Variants in SLC24A3 observed in about 807,000 individuals in gnomAD.
The protein encoded by SLC24A3 is sodium/potassium/calcium exchanger 3.
SLC24A3 carries 28 observed loss-of-function variants against 75.8 expected under a neutral mutation model. The ratio of observed to expected loss-of-function variants is 0.37; its 90% CI spans 0.27 to 0.51. The LOEUF (loss-of-function observed/expected upper bound fraction) is 0.51. Ranked by LOEUF, SLC24A3 falls within the 20% of genes least tolerant of loss-of-function variation. The pLI is 0.94. For synonymous variants in SLC24A3, 372 were observed against 334.1 expected (o/e 1.11, Z -1.24); for missense variants, 663 against 847.8 (o/e 0.78, Z 2.71).
chr20:19,370,339 G>GTA (rs1334423635), intron 2 of SLC24A3, among the ~76,000 whole-genome samples: 5 of 152,348 alleles, frequency 3.3e-5, no homozygotes, highest in Admixed American at 3.3e-4. Flanking sequence ...GTCATTGACT[G>GTA]TATAATACAT....
chr20:19,440,497 A>C (rs921012098), intron 2 of SLC24A3, among the ~76,000 whole-genome samples: 1 of 152,212 alleles, frequency 6.6e-6, no homozygotes, highest in Non-Finnish European at 1.5e-5. Flanking sequence ...CAAGGGACAA[A>C]CTACCTTTGA....
At chr20:19,298,191 G>T (rs1454749158) in intron 2 of SLC24A3, among the ~76,000 whole-genome samples, 1 of 152,216 alleles carries the variant, frequency 6.6e-6, no homozygotes, top group Non-Finnish European at 1.5e-5. Flanking sequence ...ATGGATGCCT[G>T]GAATAGATGT....
At chr20:19,404,101 C>T (rs1263056758) in intron 2 of SLC24A3, among the ~76,000 whole-genome samples, 1 of 152,190 alleles carries the variant, frequency 6.6e-6, no homozygotes, top group Non-Finnish European at 1.5e-5. Flanking sequence ...TTCTGCTTTA[C>T]TGCAAAGCAA....
intron 6 of SLC24A3, among the ~76,000 whole-genome samples, chr20:19,596,821 A>G (rs2031458281): frequency 6.6e-6 from 1 of 152,180 alleles, no homozygotes; most frequent in Non-Finnish European, 1.5e-5. Flanking sequence ...CATATGGTGG[A>G]GCAGGACGTG....
intron 2 of SLC24A3, among the ~76,000 whole-genome samples, chr20:19,464,405 G>GCACA (rs3058635): frequency 1.3e-5 from 2 of 151,894 alleles, no homozygotes; most frequent in Non-Finnish European, 2.9e-5. Context: ...ACACACACAT[G>GCACA]CACACACACA....
chr20:19,309,183 A>G (rs540299067), intron 2 of SLC24A3, among the ~76,000 whole-genome samples: 34 of 152,308 alleles, frequency 2.2e-4, no homozygotes, highest in Middle Eastern at 3.4e-3. Flanking sequence ...CCGACAGCAG[A>G]TCTATGGTTA....
At chr20:19,573,097 A>G (rs1294396425) in intron 3 of SLC24A3, among the ~76,000 whole-genome samples, 1 of 152,196 alleles carries the variant, frequency 6.6e-6, no homozygotes, top group Non-Finnish European at 1.5e-5. Context: ...AATTAAAGAC[A>G]GAGAGACAGG....
At chr20:19,576,962 C>G (rs2031144819) in intron 3 of SLC24A3, among the ~76,000 whole-genome samples, 1 of 152,096 alleles carries the variant, frequency 6.6e-6, no homozygotes, top group Non-Finnish European at 1.5e-5. Flanking sequence ...AGTCATACAG[C>G]AAAAGAGGGT....
At chr20:19,262,272 G>A (rs1983013895) in intron 1 of SLC24A3, among the ~76,000 whole-genome samples, 2 of 151,608 alleles carry the variant, frequency 1.3e-5, no homozygotes, top group Non-Finnish European at 2.9e-5. Flanking sequence ...GGGCGTGGTG[G>A]CGGGCGCCTG....
chr20:19,636,374 A>G (rs1415509048), intron 6 of SLC24A3, among the ~76,000 whole-genome samples: 1 of 152,324 alleles, frequency 6.6e-6, no homozygotes, highest in East Asian at 1.9e-4. Context: ...GTCCTTGCTC[A>G]TCACTATTAA....
intron 1 of SLC24A3, among the ~76,000 whole-genome samples, chr20:19,247,269 A>G (rs947093553): frequency 6.6e-6 from 1 of 152,206 alleles, no homozygotes; most frequent in African/African-American, 2.4e-5. Context: ...TTTTAGGTAC[A>G]GAAAGAATTC....
At chr20:19,447,804 C>A (rs1204754004) in intron 2 of SLC24A3, among the ~76,000 whole-genome samples, 2 of 152,208 alleles carry the variant, frequency 1.3e-5, no homozygotes, top group Non-Finnish European at 2.9e-5. Context: ...AGACCTGTTT[C>A]TGCACTTGGG....
At chr20:19,418,589 A>G (rs1410290428) in intron 2 of SLC24A3, among the ~76,000 whole-genome samples, 1 of 151,964 alleles carries the variant, frequency 6.6e-6, no homozygotes, top group Non-Finnish European at 1.5e-5. Context: ...GAAAAATACA[A>G]GAAAATATCC....
chr20:19,286,839 A>G (rs1016818882), intron 2 of SLC24A3, among the ~76,000 whole-genome samples: 6 of 152,252 alleles, frequency 3.9e-5, no homozygotes, highest in African/African-American at 1.4e-4. Context: ...ACAAATTGCA[A>G]TTAGGTTAAT....
chr20:19,605,811 A>T (rs1473922253), intron 6 of SLC24A3, among the ~76,000 whole-genome samples: 1 of 152,214 alleles, frequency 6.6e-6, no homozygotes, highest in African/African-American at 2.4e-5. Context: ...AAAACAAATT[A>T]TACCTATCAG....
At chr20:19,471,650 G>A (rs1294388639) in intron 2 of SLC24A3, among the ~76,000 whole-genome samples, 1 of 117,360 alleles carries the variant, frequency 8.5e-6, no homozygotes, top group Non-Finnish European at 2.1e-5. Flanking sequence ...GCCCTCAGAA[G>A]CTGGTTCAGG....
intron 6 of SLC24A3, among the ~76,000 whole-genome samples, chr20:19,618,580 T>A (rs1281031232): frequency 6.6e-6 from 1 of 152,176 alleles, no homozygotes; most frequent in African/African-American, 2.4e-5. Context: ...CTTCAACATA[T>A]GAATGTTGGG....
intron 1 of SLC24A3, among the ~76,000 whole-genome samples, chr20:19,251,234 C>T (rs1189672419): frequency 6.6e-6 from 1 of 152,198 alleles, no homozygotes; most frequent in African/African-American, 2.4e-5. Flanking sequence ...CCAGTGTAGC[C>T]ACTCACTGAT....
chr20:19,322,004 A>G (rs773500887), intron 2 of SLC24A3, among the ~76,000 whole-genome samples: 22 of 152,124 alleles, frequency 1.4e-4, no homozygotes, highest in Admixed American at 2.6e-4. Flanking sequence ...CTCTGATTAG[A>G]TGCAGGATGA....
Sources: allele counts gnomAD v4.1 joint callset (sites outside exome capture counted in the v4.1 genomes callset), GRCh38; gene constraint gnomAD v4.1.1; transcripts MANE v1.5; gene names NCBI Gene and HGNC (gene_info 2026-07-23, HGNC 2026-07-21).